Variants in RBFOX1 observed in about 807,000 individuals in gnomAD.
RBFOX1 encodes the protein RNA binding protein fox-1 homolog 1.
In RBFOX1, 8 loss-of-function variants were observed where a neutral mutation model predicts 57.7. The observed-to-expected ratio is 0.14, with a 90% CI of 0.08 to 0.25. RBFOX1 has a LOEUF of 0.25. Ranked by LOEUF, RBFOX1 falls within the 10% of genes least tolerant of loss-of-function variation. The pLI is 1.00. For missense variants in RBFOX1, 611 were observed against 548.5 expected, an observed-to-expected ratio of 1.11 and a Z score of -1.14; for synonymous variants, 326 against 222.4, an observed-to-expected ratio of 1.47 and a Z score of -4.15.
chr16:6,300,731 C>T lies in RBFOX1; in HGVS notation c.-126-16264C>T, dbSNP rs150243883. Among the ~76,000 whole-genome samples the T allele has an allele frequency of 8.8e-3, 1,340 of 152,272 alleles. 26 individuals carry two copies. The highest frequency in any genetic ancestry group is 0.03 in the African/African-American group (1,255 of 41,548). ...GTAGCCCTACTCTTTCATTAAGTGA[C>T]AGTGTTTTCAATCCATGCATTATCA... is the stretch of plus-strand genomic sequence containing the variant. On this transcript the variant is annotated intron_variant, in intron 1 of 15. Coordinates refer to ENST00000550418, the MANE Select transcript of RBFOX1 (RefSeq NM_018723.4).
intron 13 of RBFOX1, among the ~76,000 whole-genome samples, chr16:7,666,090 C>G (rs1354084528): frequency 1.3e-5 from 2 of 152,110 alleles, no homozygotes. Context: ...GGAACTTAAG[C>G]TTTTCTGTCT....
intron 10 of RBFOX1, among the ~76,000 whole-genome samples, chr16:7,607,872 A>T (rs949103094): frequency 6.8e-4 from 104 of 152,134 alleles, no homozygotes; most frequent in African/African-American, 2.3e-3. Context: ...TTTTCTCTCT[A>T]CTTTGCCTTC....
rs554475227 is a variant in RBFOX1 at position 6,914,585 on chromosome 16, G to A, written c.-15-137472G>A. Among the ~76,000 whole-genome samples the A allele has an allele frequency of 3.9e-4, 59 of 152,156 alleles. 1 individual carries two copies. The South Asian group carries it at 5.4e-3, about 14-fold the overall frequency. On this transcript the variant is annotated intron_variant, in intron 3 of 15. Transcript: ENST00000550418. ...AAATAAAAAAAAAAACCCAAAACAGGGATCAAGGCCAGGAGCAGTGGCTCA... is the reference window on the plus strand; with the variant it reads ...AAATAAAAAAAAAAACCCAAAACAGAGATCAAGGCCAGGAGCAGTGGCTCA...
intron 4 of RBFOX1, among the ~76,000 whole-genome samples, chr16:7,328,010 T>G (rs1365460588): frequency 5.3e-5 from 8 of 152,102 alleles, no homozygotes; most frequent in Non-Finnish European, 1.5e-5. Flanking sequence ...TCCTTCTCTT[T>G]CATTGACGTC....
chr16:5,886,597 C>T (rs557253467), intron 4 of RBFOX1, among the ~76,000 whole-genome samples: 58 of 152,252 alleles, frequency 3.8e-4, no homozygotes, highest in African/African-American at 1.3e-3. Flanking sequence ...TTATTCAAAT[C>T]GTCTCTTTGG....
chr16:7,491,036 C>G (rs946757693), intron 4 of RBFOX1, among the ~76,000 whole-genome samples: 5 of 152,178 alleles, frequency 3.3e-5, no homozygotes, highest in Admixed American at 2.0e-4. Context: ...AATCCATCAA[C>G]TCCAGATTCT....
At chr16:6,275,710 G>T (rs1185299885) in intron 1 of RBFOX1, among the ~76,000 whole-genome samples, 4 of 151,994 alleles carry the variant, frequency 2.6e-5, no homozygotes, top group Admixed American at 2.0e-4. Context: ...CTACTTTGGA[G>T]GAATTAACAG....
At chr16:6,135,545 A>G (rs2096660260) in intron 1 of RBFOX1, among the ~76,000 whole-genome samples, 1 of 152,136 alleles carries the variant, frequency 6.6e-6, no homozygotes, top group Non-Finnish European at 1.5e-5. Flanking sequence ...TATGGGGGGT[A>G]TTCATTGGAT....
chr16:6,454,860 G>GTTT (rs869038635), intron 2 of RBFOX1, among the ~76,000 whole-genome samples: 2 of 15,480 alleles, frequency 1.3e-4, no homozygotes, highest in Non-Finnish European at 2.4e-4. Flanking sequence ...TCATATACAG[G>GTTT]TTTTTTTTTT....
intron 4 of RBFOX1, among the ~76,000 whole-genome samples, chr16:5,870,254 C>T (rs1254556063): frequency 6.6e-6 from 1 of 150,458 alleles, no homozygotes; most frequent in African/African-American, 2.4e-5. Context: ...CAGAAAGGGA[C>T]CTAATGGGAA....
chr16:6,841,662 G>C (rs924928729), intron 3 of RBFOX1, among the ~76,000 whole-genome samples: 3 of 152,074 alleles, frequency 2.0e-5, no homozygotes, highest in East Asian at 1.9e-4. Flanking sequence ...AGTAGTAACA[G>C]AGTGCTTTAG....
chr16:7,062,892 C>CT (rs1491558284), intron 4 of RBFOX1, among the ~76,000 whole-genome samples: 667 of 59,924 alleles, frequency 0.011, 24 homozygotes, highest in Middle Eastern at 0.056. Flanking sequence ...AAATGATCGC[C>CT]ATTTTTTTTT....
intron 2 of RBFOX1, among the ~76,000 whole-genome samples, chr16:6,652,257 T>A (rs2098602385): frequency 6.6e-6 from 1 of 152,142 alleles, no homozygotes; most frequent in Non-Finnish European, 1.5e-5. Context: ...GAGAGCATCC[T>A]GGCCAATATG....
At chr16:5,906,698 G>C (rs2058465053) in intron 4 of RBFOX1, among the ~76,000 whole-genome samples, 1 of 147,870 alleles carries the variant, frequency 6.8e-6, no homozygotes, top group East Asian at 2.1e-4. Context: ...CACACTCCCA[G>C]CAGCCGCTGA....
intron 3 of RBFOX1, among the ~76,000 whole-genome samples, chr16:5,718,596 T>C (rs1287476873): frequency 2.0e-5 from 3 of 152,198 alleles, no homozygotes; most frequent in African/African-American, 7.2e-5. Flanking sequence ...TTTGATGCTA[T>C]TTACAAACTG....
chr16:6,219,851 G>A (rs1025027918), intron 1 of RBFOX1, among the ~76,000 whole-genome samples: 21 of 152,046 alleles, frequency 1.4e-4, no homozygotes, highest in African/African-American at 5.1e-4. Context: ...GCTCCAGATT[G>A]GGCAACAAGA....
intron 2 of RBFOX1, among the ~76,000 whole-genome samples, chr16:6,547,211 C>A (rs577793012): frequency 1.3e-5 from 2 of 152,196 alleles, no homozygotes; most frequent in Admixed American, 6.5e-5. Context: ...CAGAATAGTT[C>A]CCTAAAGTGG....
intron 4 of RBFOX1, among the ~76,000 whole-genome samples, chr16:7,465,248 T>C (rs762139148): frequency 5.9e-5 from 9 of 152,218 alleles, no homozygotes; most frequent in African/African-American, 2.2e-4. Flanking sequence ...TAGAGGATCC[T>C]CTGATAAGCC....
chr16:6,445,768 C>T (rs1348738426), intron 2 of RBFOX1, among the ~76,000 whole-genome samples: 5 of 151,696 alleles, frequency 3.3e-5, no homozygotes, highest in East Asian at 1.9e-4. Flanking sequence ...TTTTTAGTTG[C>T]GACAGGGTTT....
Sources: allele counts gnomAD v4.1 joint callset (sites outside exome capture counted in the v4.1 genomes callset), GRCh38; gene constraint gnomAD v4.1.1; transcripts MANE v1.5; gene names NCBI Gene and HGNC (gene_info 2026-07-23, HGNC 2026-07-21).